The following REPS2 variants were observed in gnomAD, a reference collection of about 807,000 sequenced individuals.
REPS2 encodes the protein ralBP1-associated Eps domain-containing protein 2.
In REPS2, 23 loss-of-function variants were observed where a neutral mutation model predicts 53.6. The ratio of observed to expected loss-of-function variants is 0.43; its 90% CI spans 0.31 to 0.61. The LOEUF (loss-of-function observed/expected upper bound fraction) is 0.61. Among genes scored for constraint, REPS2 ranks in the 20% least tolerant of loss-of-function variants. REPS2 has a pLI of 0.11. For missense variants in REPS2, 446 were observed against 534.9 expected (o/e 0.83, Z 1.64); for synonymous variants, 238 against 218.6 (o/e 1.09, Z -0.78).
rs759513530 is a variant in REPS2 at position 17,082,339 on chromosome X, G to C, written c.1516+4932G>C. ...GGCCCATGGATAGACCTAGTTGCCA[G>C]GCAGCTGGGAAATGTAGTCCTTGGC... On this transcript the variant is annotated intron_variant, in intron 13 of 17. Coordinates refer to ENST00000357277, the MANE Select transcript of REPS2 (RefSeq NM_004726.3). Among the ~76,000 whole-genome samples the C allele has an allele frequency of 4.4e-5, 5 of 112,834 alleles. No homozygotes were observed. The East Asian group carries it at 1.4e-3, about 31-fold the overall frequency.
chrX:17,014,049 A>G (rs911338875), intron 2 of REPS2, among the ~76,000 whole-genome samples: 1 of 111,728 alleles, frequency 9.0e-6, no homozygotes, highest in African/African-American at 3.3e-5. Context: ...ACAATCTAGT[A>G]AAAGCTCTGG....
At chrX:17,083,898 A>G (rs957125853) in intron 13 of REPS2, among the ~76,000 whole-genome samples, 5 of 111,013 alleles carry the variant, frequency 4.5e-5, no homozygotes, top group African/African-American at 1.6e-4. Context: ...TTTTTTTTAA[A>G]TGAAAGCGTT....
At chrX:17,079,016 A>T (rs2062417939) in intron 13 of REPS2, among the ~76,000 whole-genome samples, 1 of 112,383 alleles carries the variant, frequency 8.9e-6, no homozygotes, top group African/African-American at 3.2e-5. Context: ...TGGGGTCACA[A>T]GTGTTTCAGG....
intron 12 of REPS2, 121 bp from the exon 13 acceptor site, chrX:17,077,150 C>G (rs1259985963): frequency 3.5e-4 from 260 of 736,079 alleles, no homozygotes; most frequent in Non-Finnish European, 6.4e-5. Context: ...TTTATGGCTG[C>G]TTTGGTAGCT....
intron 1 of REPS2, among the ~76,000 whole-genome samples, chrX:16,987,235 G>A (rs1458464999): frequency 9.0e-6 from 1 of 110,831 alleles, no homozygotes; most frequent in South Asian, 3.8e-4. Context: ...ATGCCTGGCT[G>A]TCTTATAAAT....
At chrX:17,168,114 T>C in the REPS2 span, among the ~76,000 whole-genome samples, 1,563 of 111,874 alleles carry the variant, frequency 0.014, 22 homozygotes, top group African/African-American at 0.048. Flanking sequence ...AGTCGGCACA[T>C]GTATCTTTCT....
chrX:17,171,101 C>G, the REPS2 span, among the ~76,000 whole-genome samples: 1 of 113,000 alleles, frequency 8.8e-6, no homozygotes, highest in African/African-American at 3.2e-5. Flanking sequence ...CTCCCCTGCT[C>G]CAGCCTGTTT....
intron 6 of REPS2, among the ~76,000 whole-genome samples, chrX:17,051,011 C>T (rs2061995183): frequency 9.0e-6 from 1 of 111,451 alleles, no homozygotes. Flanking sequence ...TCTCTCCCTG[C>T]CACTACCCCT....
intron 1 of REPS2, among the ~76,000 whole-genome samples, chrX:16,962,276 T>TAC (rs61520216): frequency 0.1 from 8,257 of 81,698 alleles, 421 homozygotes; most frequent in East Asian, 0.2. Context: ...TATCGTGGGA[T>TAC]ACACACACAC....
intron 13 of REPS2, among the ~76,000 whole-genome samples, chrX:17,092,070 G>A (rs1352394959): frequency 1.8e-5 from 2 of 111,414 alleles, no homozygotes; most frequent in African/African-American, 6.5e-5. Context: ...GGGGATGGGA[G>A]CCCCTTTCCA....
At chrX:16,969,701 A>G (rs1335948781) in intron 1 of REPS2, among the ~76,000 whole-genome samples, 4 of 104,712 alleles carry the variant, frequency 3.8e-5, no homozygotes, top group Non-Finnish European at 7.8e-5. Context: ...CCACGGCATC[A>G]GAGGGAGACC....
chrX:17,052,188 T>A (rs765863445), intron 6 of REPS2, among the ~76,000 whole-genome samples, 194 bp from the exon 7 acceptor site: 1 of 112,413 alleles, frequency 8.9e-6, no homozygotes, highest in Non-Finnish European at 1.9e-5. Context: ...CCTATTGTAA[T>A]TTACATATTT....
At chrX:17,169,809 C>A in the REPS2 span, among the ~76,000 whole-genome samples, 2 of 112,551 alleles carry the variant, frequency 1.8e-5, no homozygotes, top group African/African-American at 6.5e-5. Context: ...TGTCTTGTCC[C>A]AGTTCTCTTT....
At chrX:17,092,525 G>T (rs945262312) in intron 13 of REPS2, among the ~76,000 whole-genome samples, 3 of 110,080 alleles carry the variant, frequency 2.7e-5, no homozygotes, top group African/African-American at 9.9e-5. Flanking sequence ...TTTTCCTTTG[G>T]ATTACACTTA....
intron 1 of REPS2, among the ~76,000 whole-genome samples, chrX:16,959,345 C>T (rs1216259391): frequency 1.8e-5 from 2 of 112,301 alleles, no homozygotes; most frequent in Non-Finnish European, 3.8e-5. Flanking sequence ...GATCCTCCCA[C>T]CTTGGCCTCC....
At chrX:17,015,189 A>G (rs1387530972) in intron 2 of REPS2, among the ~76,000 whole-genome samples, 3 of 112,881 alleles carry the variant, frequency 2.7e-5, no homozygotes, top group Non-Finnish European at 5.6e-5. Flanking sequence ...GCCACTTGCC[A>G]TGTGTGGCTA....
chrX:17,145,960 T>A (rs1300119021), intron 17 of REPS2, among the ~76,000 whole-genome samples: 1 of 109,291 alleles, frequency 9.1e-6, no homozygotes, highest in African/African-American at 3.3e-5. Context: ...ATACAGAAAA[T>A]TAGCCGGGCG....
chrX:17,134,433 C>G (rs1031749816), intron 15 of REPS2, among the ~76,000 whole-genome samples: 1 of 111,400 alleles, frequency 9.0e-6, no homozygotes, highest in South Asian at 3.8e-4. Context: ...CCAGGCTCTT[C>G]TTTCAGAGAG....
the REPS2 span, among the ~76,000 whole-genome samples, chrX:17,183,916 C>T: frequency 1.8e-5 from 2 of 111,988 alleles, no homozygotes; most frequent in African/African-American, 3.2e-5. Context: ...AAGGCCTTCA[C>T]GTAACTGGCT....
Sources: allele counts gnomAD v4.1 joint callset (sites outside exome capture counted in the v4.1 genomes callset), GRCh38; gene constraint gnomAD v4.1.1; transcripts MANE v1.5; gene names NCBI Gene and HGNC (gene_info 2026-07-23, HGNC 2026-07-21).